Variants in DGKB observed in about 807,000 individuals in gnomAD.
DGKB encodes the protein 90 kDa diacylglycerol kinase.
In DGKB, 67 loss-of-function variants were observed where a neutral mutation model predicts 114.3. That is an observed-to-expected ratio of 0.59 (90% confidence interval 0.48 to 0.72). The LOEUF (loss-of-function observed/expected upper bound fraction) is 0.72. DGKB is among the 30% of genes least tolerant of loss of function. DGKB has a pLI of 0.00. For synonymous variants in DGKB, 398 were observed against 323.1 expected, an observed-to-expected ratio of 1.23 and a Z score of -2.49; for missense variants, 907 against 975.2, an observed-to-expected ratio of 0.93 and a Z score of 0.93.
intron 18 of DGKB, 101 bp downstream of exon 18, chr7:14,582,951 C>G (rs556958736): frequency 1.2e-6 from 1 of 815,702 alleles, no homozygotes; most frequent in East Asian, 2.7e-5. Flanking sequence ...AATTATATCA[C>G]TGCTTCCAAA....
intron 1 of DGKB, among the ~76,000 whole-genome samples, chr7:14,867,646 T>C (rs1851877929): frequency 6.6e-6 from 1 of 152,190 alleles, no homozygotes. Flanking sequence ...TATAAATTAT[T>C]AAAATATAAA....
At chr7:14,506,391 G>GA (rs1304621966) in intron 20 of DGKB, among the ~76,000 whole-genome samples, 10 of 151,906 alleles carry the variant, frequency 6.6e-5, no homozygotes, top group Admixed American at 3.3e-4. Context: ...TTCTTAAAGA[G>GA]AAAAAAATAG....
chr7:14,900,959 A>G (rs1289613142), intron 1 of DGKB, among the ~76,000 whole-genome samples: 1 of 152,164 alleles, frequency 6.6e-6, no homozygotes, highest in Non-Finnish European at 1.5e-5. Context: ...TATTCTTCAT[A>G]TAGACTTTTC....
In DGKB at chr7:14,706,593, G is replaced by A. The variant is rs1475868436; in HGVS notation, c.467-4863C>T. 8.2e-3 allele frequency among the ~76,000 whole-genome samples: 839 copies of A among 102,864 alleles called. 10 individuals are homozygous for A. The highest frequency in any genetic ancestry group is 9.0e-3 in the Non-Finnish European group (469 of 52,082). 67.5% of individuals were successfully genotyped at this position (102,864 alleles called of 152,430 possible). A position where few individuals can be genotyped will look rare whatever the true frequency, so the allele number is the denominator to read the frequency against. On this transcript the variant is annotated intron_variant, in intron 6 of 25. Coordinates refer to ENST00000402815, the MANE Select transcript of DGKB (RefSeq NM_001350709.2). ...AAAGCTCTCCTCAGCAAATGTAAAAGAACAGAAATTATAACAAACTATCTC... is the reference window on the plus strand; with the variant it reads ...AAAGCTCTCCTCAGCAAATGTAAAAAAACAGAAATTATAACAAACTATCTC...
chr7:14,442,448 T>C (rs1020792386), intron 21 of DGKB, among the ~76,000 whole-genome samples: 3 of 152,104 alleles, frequency 2.0e-5, no homozygotes, highest in African/African-American at 4.8e-5. Flanking sequence ...TAAACAAATA[T>C]CTAATTTTGT....
At chr7:14,483,939 T>G (rs1783375160) in intron 20 of DGKB, among the ~76,000 whole-genome samples, 1 of 152,120 alleles carries the variant, frequency 6.6e-6, no homozygotes, top group Non-Finnish European at 1.5e-5. Flanking sequence ...TCTTGAACTG[T>G]GAGACAATAC....
chr7:14,360,831 C>T (rs1010821642), intron 21 of DGKB, among the ~76,000 whole-genome samples: 1 of 152,082 alleles, frequency 6.6e-6, no homozygotes, highest in African/African-American at 2.4e-5. Flanking sequence ...TGGAAAAACA[C>T]ATTTGCTTTC....
At chr7:14,819,717 A>G (rs942528586) in intron 2 of DGKB, among the ~76,000 whole-genome samples, 2 of 152,214 alleles carry the variant, frequency 1.3e-5, no homozygotes, top group Non-Finnish European at 2.9e-5. Context: ...AAACTTGAAC[A>G]AAGTTGTATG....
At chr7:14,918,002 AT>A (rs903116823) in intron 1 of DGKB, among the ~76,000 whole-genome samples, 2 of 152,250 alleles carry the variant, frequency 1.3e-5, no homozygotes, top group Non-Finnish European at 1.5e-5. Context: ...AGGAGAAAAA[AT>A]TATACGATCA....
intron 22 of DGKB, 74 bp from the exon 23 acceptor site, chr7:14,338,784 CTCA>C: frequency 9.8e-7 from 1 of 1,021,968 alleles, no homozygotes; most frequent in Non-Finnish European, 1.3e-6. Context: ...TTTTCATTTC[CTCA>C]TCTTTTAATA....
chr7:14,509,951 T>G (rs9639204), intron 20 of DGKB, among the ~76,000 whole-genome samples: 70,360 of 151,974 alleles, frequency 0.46, 16,713 homozygotes, highest in East Asian at 0.73. Flanking sequence ...CGAGGCGGGC[T>G]GGTCATGAGG....
intron 23 of DGKB, among the ~76,000 whole-genome samples, chr7:14,338,131 A>T (rs1449457424): frequency 6.6e-6 from 1 of 152,104 alleles, no homozygotes; most frequent in Non-Finnish European, 1.5e-5. Flanking sequence ...AAAAGAACAA[A>T]ATCTCTTATA....
intron 13 of DGKB, among the ~76,000 whole-genome samples, chr7:14,650,106 G>C (rs1467497144): frequency 6.7e-6 from 1 of 150,156 alleles, no homozygotes; most frequent in East Asian, 2.0e-4. Context: ...AAGTCAACAA[G>C]GATACCCAGG....
At chr7:14,972,777 CAG>C (rs1465066473) in intron 1 of DGKB, among the ~76,000 whole-genome samples, 3 of 151,686 alleles carry the variant, frequency 2.0e-5, no homozygotes, top group South Asian at 2.1e-4. Context: ...AAATTTTTAA[CAG>C]AGAGATTAAA....
chr7:14,744,642 G>GT (rs765085767), intron 4 of DGKB, among the ~76,000 whole-genome samples: 11 of 152,190 alleles, frequency 7.2e-5, no homozygotes, highest in Admixed American at 1.3e-4. Flanking sequence ...TTTTAAAAGT[G>GT]TATGTAAGAA....
intron 20 of DGKB, among the ~76,000 whole-genome samples, chr7:14,482,893 C>A (rs1368064887): frequency 7.7e-6 from 1 of 130,562 alleles, no homozygotes; most frequent in Non-Finnish European, 1.6e-5. Flanking sequence ...ATATTGATAT[C>A]TGTAGTGCTG....
intron 1 of DGKB, among the ~76,000 whole-genome samples, chr7:14,963,213 G>T (rs930763000): frequency 2.6e-5 from 4 of 152,038 alleles, no homozygotes; most frequent in Non-Finnish European, 5.9e-5. Flanking sequence ...GGCCAAGAGG[G>T]GGGTTACTAA....
chr7:14,770,941 C>G (rs954749682), intron 2 of DGKB, among the ~76,000 whole-genome samples: 7 of 151,674 alleles, frequency 4.6e-5, no homozygotes, highest in African/African-American at 1.5e-4. Context: ...GGCCTTGAAG[C>G]GTAAGAAGAT....
chr7:14,601,969 T>TTCCTCCTCCTCTTTCTCCTCC (rs2128766389), intron 17 of DGKB, among the ~76,000 whole-genome samples: 1 of 151,456 alleles, frequency 6.6e-6, no homozygotes, highest in African/African-American at 2.4e-5. Context: ...CTACCTCCTC[T>TTCCTCCTCCTCTTTCTCCTCC]TCCTCCTCCT....
Sources: allele counts gnomAD v4.1 joint callset (sites outside exome capture counted in the v4.1 genomes callset), GRCh38; gene constraint gnomAD v4.1.1; transcripts MANE v1.5; gene names NCBI Gene and HGNC (gene_info 2026-07-23, HGNC 2026-07-21).